Variants in NR6A1 observed in about 807,000 individuals in gnomAD.
NR6A1 encodes retinoic acid receptor-related testis-associated receptor.
Under a neutral mutation model 59.1 loss-of-function variants are expected in NR6A1, and 7 were observed. That is an observed-to-expected ratio of 0.12 (90% confidence interval 0.07 to 0.22). NR6A1 has a LOEUF of 0.22. Ranked by LOEUF, NR6A1 falls within the 10% of genes least tolerant of loss-of-function variation. NR6A1 has a pLI of 1.00. For missense variants in NR6A1, 468 were observed against 611.6 expected, an observed-to-expected ratio of 0.77 and a Z score of 2.48; for synonymous variants, 243 against 236.1, an observed-to-expected ratio of 1.03 and a Z score of -0.27.
intron 2 of NR6A1, among the ~76,000 whole-genome samples, chr9:124,578,846 C>T (rs1213426001): frequency 6.6e-6 from 1 of 152,208 alleles, no homozygotes; most frequent in Non-Finnish European, 1.5e-5. Context: ...CCTTCCCCCA[C>T]TCACTATGCC....
intron 1 of NR6A1, among the ~76,000 whole-genome samples, chr9:124,762,996 T>C (rs570054742): frequency 1.3e-5 from 2 of 152,196 alleles, no homozygotes; most frequent in Non-Finnish European, 2.9e-5. Context: ...AAGAAAAAAA[T>C]AGTCTGCCAA....
chr9:124,595,110 T>A (rs1283071130), intron 2 of NR6A1, among the ~76,000 whole-genome samples: 4 of 152,222 alleles, frequency 2.6e-5, no homozygotes, highest in Non-Finnish European at 4.4e-5. Flanking sequence ...TGTGGAAAAG[T>A]GGGGTTTCTC....
At chr9:124,700,560 T>C (rs904721889) in intron 2 of NR6A1, among the ~76,000 whole-genome samples, 1 of 151,944 alleles carries the variant, frequency 6.6e-6, no homozygotes, top group Non-Finnish European at 1.5e-5. Context: ...TTTAGGTTTA[T>C]CCATGTTGTA....
At chr9:124,577,520 G>C (rs1834636534) in intron 2 of NR6A1, among the ~76,000 whole-genome samples, 1 of 152,182 alleles carries the variant, frequency 6.6e-6, no homozygotes, top group Non-Finnish European at 1.5e-5. Context: ...TTAAATTTCA[G>C]AGCCAGAGGG....
At chr9:124,722,219 A>G (rs567174284) in intron 2 of NR6A1, among the ~76,000 whole-genome samples, 1 of 152,362 alleles carries the variant, frequency 6.6e-6, no homozygotes, top group African/African-American at 2.4e-5. Flanking sequence ...ACTTAAAATC[A>G]GATCATTTTA....
intron 2 of NR6A1, among the ~76,000 whole-genome samples, chr9:124,677,009 C>A (rs1156732687): frequency 6.6e-6 from 1 of 152,134 alleles, no homozygotes; most frequent in Non-Finnish European, 1.5e-5. Flanking sequence ...CTTTCAACAA[C>A]TGATACCACA....
intron 2 of NR6A1, among the ~76,000 whole-genome samples, chr9:124,584,255 A>G (rs1220644470): frequency 1.3e-5 from 2 of 151,774 alleles, no homozygotes; most frequent in Non-Finnish European, 2.9e-5. Context: ...TTACAGGCGT[A>G]TGCCACCACA....
At chr9:124,687,820 T>C (rs1193095846) in intron 2 of NR6A1, among the ~76,000 whole-genome samples, 1 of 152,220 alleles carries the variant, frequency 6.6e-6, no homozygotes, top group East Asian at 1.9e-4. Flanking sequence ...CATTCAAATA[T>C]TTGTATAACT....
At chr9:124,549,643 T>C (rs1833709768) in intron 3 of NR6A1, among the ~76,000 whole-genome samples, 1 of 152,212 alleles carries the variant, frequency 6.6e-6, no homozygotes, top group South Asian at 2.1e-4. Context: ...TGCACATAGG[T>C]GAAAAAGCCC....
chr9:124,770,730 C>G (rs1371087158), intron 1 of NR6A1, among the ~76,000 whole-genome samples: 1 of 48,664 alleles, frequency 2.1e-5, no homozygotes, highest in East Asian at 4.5e-4. Flanking sequence ...GAAGCCTGTG[C>G]AGAGGGGACG....
At chr9:124,624,719 T>C (rs544845492) in intron 2 of NR6A1, among the ~76,000 whole-genome samples, 21 of 152,316 alleles carry the variant, frequency 1.4e-4, no homozygotes, top group African/African-American at 5.1e-4. Context: ...CAGTCAGACT[T>C]TGTGATTTGA....
chr9:124,747,305 C>A (rs1329064928), intron 1 of NR6A1, among the ~76,000 whole-genome samples: 1 of 151,804 alleles, frequency 6.6e-6, no homozygotes, highest in African/African-American at 2.4e-5. Flanking sequence ...TCAACCCAAC[C>A]CGCCTCAGCC....
At chr9:124,544,454 C>T (rs755506209) in intron 3 of NR6A1, among the ~76,000 whole-genome samples, 14 of 152,168 alleles carry the variant, frequency 9.2e-5, no homozygotes, top group Non-Finnish European at 2.1e-4. Flanking sequence ...ATATTATCAT[C>T]ACTCTTTATG....
chr9:124,693,385 A>AAAAAAAAAAAAAAAAAATT, intron 2 of NR6A1, among the ~76,000 whole-genome samples: 1 of 152,314 alleles, frequency 6.6e-6, no homozygotes, highest in East Asian at 1.9e-4. Context: ...AAAAGCACTC[A>AAAAAAAAAAAAAAAAAATT]TACTTCTCAG....
At chr9:124,560,505 C>G (rs1834054722) in intron 2 of NR6A1, among the ~76,000 whole-genome samples, 1 of 152,132 alleles carries the variant, frequency 6.6e-6, no homozygotes, top group East Asian at 1.9e-4. Flanking sequence ...CACTGAAGTC[C>G]TTTCTCTAAT....
chr9:124,726,542 G>A (rs1253002958), intron 2 of NR6A1, among the ~76,000 whole-genome samples: 2 of 152,138 alleles, frequency 1.3e-5, no homozygotes, highest in Non-Finnish European at 2.9e-5. Flanking sequence ...TTTCACTTTT[G>A]CAATTTGGGG....
At chr9:124,556,054 T>G (rs576857915) in intron 2 of NR6A1, among the ~76,000 whole-genome samples, 2 of 152,352 alleles carry the variant, frequency 1.3e-5, no homozygotes, top group African/African-American at 4.8e-5. Context: ...TCTTTATGAT[T>G]GCCATCTATA....
intron 2 of NR6A1, among the ~76,000 whole-genome samples, chr9:124,592,699 G>A (rs2130802296): frequency 6.6e-6 from 1 of 152,194 alleles, no homozygotes; most frequent in Middle Eastern, 3.4e-3. Context: ...TATTCCATTT[G>A]TCTGTCTGCA....
Position 124,630,484 on chromosome 9 carries a change from G to A in NR6A1, c.143-75914C>T, listed in dbSNP as rs1306230540. Among the ~76,000 whole-genome samples the A allele has an allele frequency of 3.3e-5, 5 of 150,914 alleles. 1 individual carries two copies. Among genetic ancestry groups the A allele is most frequent in the East Asian group, 3.9e-4 (2 of 5,148 alleles). On this transcript the variant is annotated intron_variant, in intron 2 of 9. Transcript: ENST00000487099. ...ACTCCTGACCTCAGGTGATCCGCCT[G>A]CTTTGGCCTCCAAAGTGCTGGGATT...
Sources: allele counts gnomAD v4.1 joint callset (sites outside exome capture counted in the v4.1 genomes callset), GRCh38; gene constraint gnomAD v4.1.1; transcripts MANE v1.5; gene names NCBI Gene and HGNC (gene_info 2026-07-23, HGNC 2026-07-21).